Variants in USP15 observed in about 807,000 individuals in gnomAD.
USP15 encodes ubiquitin specific peptidase 15, also known as ubiquitin carboxyl-terminal hydrolase 15.
USP15 carries 18 observed loss-of-function variants against 127.1 expected under a neutral mutation model. The observed-to-expected ratio is 0.14, with a 90% CI of 0.10 to 0.21. The LOEUF (loss-of-function observed/expected upper bound fraction) is 0.21, where lower values mean the gene tolerates loss of function less well. USP15 is among the 10% of genes least tolerant of loss of function. USP15 has a pLI of 1.00. For synonymous variants in USP15, 364 were observed against 393.7 expected (o/e 0.92, Z 0.89); for missense variants, 805 against 1,159.9 (o/e 0.69, Z 4.44).
In USP15 at chr12:62,390,908, C is replaced by T; in HGVS notation, c.1889C>T (p.Ser630Phe). 1 of 1,612,508 alleles carries T rather than the reference C, an allele frequency of 6.2e-7. No homozygotes were observed. The highest frequency in any genetic ancestry group is 8.5e-7 in the Non-Finnish European group (1 of 1,179,144). The change falls in exon 15 of 22, where the codon TCC becomes TTC. Residue 630 changes from serine to phenylalanine, a missense_variant. Coordinates refer to ENST00000280377, the MANE Select transcript of USP15 (RefSeq NM_001252078.2). ...ACTGAAACTGAAGAAACTGAAGGAT[C>T]CCTACACTGCTGTAAGGACCAAAAT... Reference protein sequence around the residue: ...ISTETEETEGSLHCCKDQNIN... With the variant: ...ISTETEETEGFLHCCKDQNIN...
At chr12:62,353,163 A>C (rs1329603659) in intron 7 of USP15, among the ~76,000 whole-genome samples, 1 of 152,086 alleles carries the variant, frequency 6.6e-6, no homozygotes, top group East Asian at 1.9e-4. Context: ...CAAGATATTA[A>C]AGTATCTTAA....
At chr12:62,401,872 GTA>G (rs887548045) in intron 21 of USP15, among the ~76,000 whole-genome samples, 1 of 146,294 alleles carries the variant, frequency 6.8e-6, no homozygotes, top group Admixed American at 6.9e-5. Flanking sequence ...GTGTGTGTGT[GTA>G]TATGTATATA....
intron 5 of USP15, among the ~76,000 whole-genome samples, chr12:62,325,137 C>G (rs985517126): frequency 6.6e-6 from 1 of 151,918 alleles, no homozygotes; most frequent in Non-Finnish European, 1.5e-5. Flanking sequence ...ATAGCAAAAA[C>G]TAGAAAGACT....
chr12:62,277,694 T>C (rs933586851), intron 1 of USP15: 7 of 101,846 alleles, frequency 6.9e-5, no homozygotes, highest in Non-Finnish European at 1.2e-4. Flanking sequence ...ACGCTAAAAA[T>C]AGATGATAAG....
intron 11 of USP15, among the ~76,000 whole-genome samples, chr12:62,388,869 C>T (rs940967582): frequency 6.6e-6 from 1 of 152,152 alleles, no homozygotes; most frequent in African/African-American, 2.4e-5. Flanking sequence ...GTGGCTCAGT[C>T]CTGTAATCCC....
intron 8 of USP15, among the ~76,000 whole-genome samples, chr12:62,377,545 C>A (rs1205163674): frequency 6.6e-6 from 1 of 151,926 alleles, no homozygotes; most frequent in Non-Finnish European, 1.5e-5. Context: ...CATGGTGAAA[C>A]CCCGTCTCCA....
chr12:62,382,530 A>G (rs1182606953), intron 9 of USP15, among the ~76,000 whole-genome samples: 1 of 151,998 alleles, frequency 6.6e-6, no homozygotes, highest in East Asian at 1.9e-4. Flanking sequence ...AAACTAGTCC[A>G]GACAAACCAT....
chr12:62,314,452 A>G (rs1334824193), intron 3 of USP15, among the ~76,000 whole-genome samples: 1 of 151,924 alleles, frequency 6.6e-6, no homozygotes, highest in Non-Finnish European at 1.5e-5. Context: ...GCACATAGTC[A>G]TTTTGGGTAA....
At chr12:62,338,510 GT>G (rs746536793) in intron 6 of USP15, among the ~76,000 whole-genome samples, 1 of 152,148 alleles carries the variant, frequency 6.6e-6, no homozygotes, top group Non-Finnish European at 1.5e-5. Context: ...TTTGGCTTTT[GT>G]TGTGATTGCT....
rs1034477145 is a variant in USP15 at position 62,407,126 on chromosome 12, A to G, written c.*2751A>G. ...ATAATGATGATAATAGCCAGCATTT[A>G]TTGAGCACTTACTATGGACCAGGCA... On this transcript the variant is annotated 3_prime_UTR_variant, in exon 22 of 22. Transcript: ENST00000280377. 7.9e-5 allele frequency: 12 copies of G among 152,340 alleles called. No individual in the cohort carries two copies. The highest frequency in any genetic ancestry group is 2.9e-4 in the African/African-American group (12 of 41,592). 9.4% of individuals were successfully genotyped at this position (152,340 alleles called of 1,614,324 possible).
Position 62,405,122 on chromosome 12 carries a change from C to T in USP15, c.*747C>T, listed in dbSNP as rs1369321244. 3 of 152,064 alleles carry T rather than the reference C, an allele frequency of 2.0e-5. No individual in the cohort carries two copies. Among genetic ancestry groups the T allele is most frequent in the African/African-American group, 4.8e-5 (2 of 41,432 alleles). The allele number at this position is 152,064 out of a possible 1,614,324, so 9.4% of individuals were successfully genotyped here. A position where few individuals can be genotyped will look rare whatever the true frequency, so the allele number is the denominator to read the frequency against. ...GATCTATTCTTCAGATATTCAAAAA[C>T]ATTTTTTGCTTTAAAATGCATATCT... On this transcript the variant is annotated 3_prime_UTR_variant, in exon 22 of 22. Transcript: ENST00000280377.
chr12:62,401,250 C>T lies in USP15; in HGVS notation c.2738C>T (p.Ser913Phe), dbSNP rs777625681. The T allele has an allele frequency of 1.2e-6, 2 of 1,611,908 alleles. No individual in the cohort carries two copies. The highest frequency in any genetic ancestry group is 1.7e-6 in the Non-Finnish European group (2 of 1,178,774). The change falls in exon 21 of 22, where the codon TCC (serine) becomes TTC (phenylalanine). Residue 913 changes from serine to phenylalanine, a missense_variant. This residue lies in a region of USP15 where 116 missense variants were observed against 157.2 expected (regional missense o/e 0.74). Transcript: ENST00000280377. ...TACTATTTTGATGACAGTAGTGTCT[C>T]CACTGCATCTGAAGACCAAATTGTG... is the stretch of plus-strand genomic sequence containing the variant. ...KWYYFDDSSV[S>F]TASEDQIVSK...
chr12:62,408,127 G>T lies in USP15; in HGVS notation c.*3752G>T, dbSNP rs1471918786. 1 of 152,036 alleles carries T rather than the reference G, an allele frequency of 6.6e-6. No homozygotes were observed. The highest frequency in any genetic ancestry group is 1.9e-4 in the East Asian group (1 of 5,186). The allele number at this position is 152,036 out of a possible 1,614,324, so 9.4% of individuals were successfully genotyped here. A position where few individuals can be genotyped will look rare whatever the true frequency, so the allele number is the denominator to read the frequency against. On this transcript the variant is annotated 3_prime_UTR_variant, in exon 22 of 22. Transcript: ENST00000280377. ...GTTTATCTTATAAAATAAGCCGGGA[G>T]ACTGAAATGGAGTCTCCTTCAGTGG... is the stretch of plus-strand genomic sequence containing the variant.
At chr12:62,397,730 G>T (rs1025207462) in intron 20 of USP15, among the ~76,000 whole-genome samples, 2 of 151,192 alleles carry the variant, frequency 1.3e-5, no homozygotes, top group African/African-American at 4.8e-5. Flanking sequence ...GGTGGCACGT[G>T]CCTGTAATCC....
chr12:62,262,687 A>G (rs1423295317), intron 1 of USP15, among the ~76,000 whole-genome samples: 1 of 152,156 alleles, frequency 6.6e-6, no homozygotes, highest in African/African-American at 2.4e-5. Flanking sequence ...GTATAGCTGT[A>G]TAGGTACAGT....
intron 1 of USP15, among the ~76,000 whole-genome samples, chr12:62,265,709 G>A (rs531435755): frequency 3.3e-5 from 5 of 152,050 alleles, no homozygotes; most frequent in Non-Finnish European, 7.4e-5. Context: ...ACCACACCCA[G>A]CTAATTTTTA....
chr12:62,271,720 A>T lies in USP15; in HGVS notation c.89+11217A>T, dbSNP rs560790312. 7.9e-5 allele frequency among the ~76,000 whole-genome samples: 12 copies of T among 152,034 alleles called. No individual in the cohort carries two copies. In the South Asian group the frequency reaches 2.5e-3, roughly 32 times the overall value. On this transcript the variant is annotated intron_variant, in intron 1 of 21. Transcript: ENST00000280377. ...CTTATATGTCACATATGGTTACAAG[A>T]TATCTTTAGTATGGAGAGACATACA...
At chr12:62,297,554 T>A (rs11174417) in intron 2 of USP15, among the ~76,000 whole-genome samples, 1 of 151,906 alleles carries the variant, frequency 6.6e-6, no homozygotes, top group Non-Finnish European at 1.5e-5. Context: ...AGATTATGGG[T>A]TTCTGAAAAA....
At chr12:62,368,191 C>T (rs1227319853) in intron 8 of USP15, among the ~76,000 whole-genome samples, 2 of 151,942 alleles carry the variant, frequency 1.3e-5, no homozygotes, top group East Asian at 3.9e-4. Context: ...TTATGATTTC[C>T]GTTCTTTTGC....
Sources: allele counts gnomAD v4.1 joint callset (sites outside exome capture counted in the v4.1 genomes callset), GRCh38; gene constraint gnomAD v4.1.1; regional missense constraint gnomAD v4.1.1; transcripts MANE v1.5; gene names NCBI Gene and HGNC (gene_info 2026-07-23, HGNC 2026-07-21).